ARFGEF1: variants seen among roughly 807,000 people sequenced by gnomAD.
ARFGEF1 encodes the protein brefeldin A-inhibited guanine nucleotide-exchange protein 1.
Under a neutral mutation model 231.0 loss-of-function variants are expected in ARFGEF1, and 42 were observed. The observed-to-expected ratio is 0.18, with a 90% CI of 0.14 to 0.24. The LOEUF is 0.24. ARFGEF1 is among the 10% of genes least tolerant of loss of function. ARFGEF1 has a pLI of 1.00. For synonymous variants in ARFGEF1, 710 were observed against 732.3 expected, an observed-to-expected ratio of 0.97 and a Z score of 0.49; for missense variants, 1,345 against 2,192.0, an observed-to-expected ratio of 0.61 and a Z score of 7.72.
intron 22 of ARFGEF1, among the ~76,000 whole-genome samples, chr8:67,237,209 C>T (rs1213940082): frequency 2.0e-5 from 3 of 152,168 alleles, no homozygotes; most frequent in East Asian, 1.9e-4. Context: ...TAAAGTTGGG[C>T]TTCTAATCAT....
intron 1 of ARFGEF1, among the ~76,000 whole-genome samples, chr8:67,320,118 G>C (rs1254886472): frequency 6.6e-6 from 1 of 151,408 alleles, no homozygotes; most frequent in Non-Finnish European, 1.5e-5. Flanking sequence ...AGCTACTTGG[G>C]AGGCTGAGGC....
At chr8:67,291,075 C>CA (rs1209694640) in intron 6 of ARFGEF1, among the ~76,000 whole-genome samples, 1 of 151,962 alleles carries the variant, frequency 6.6e-6, no homozygotes, top group African/African-American at 2.4e-5. Flanking sequence ...TAGTTCTAGA[C>CA]AACCACACTG....
At chr8:67,200,568 T>C (rs1230270040) in intron 37 of ARFGEF1, 55 bp from the exon 38 acceptor site, 6 of 1,084,578 alleles carry the variant, frequency 5.5e-6, no homozygotes, top group Admixed American at 2.0e-5. Flanking sequence ...GGTCCCCATA[T>C]TCACCGAGAA....
Position 67,251,460 on chromosome 8 carries a change from T to A in ARFGEF1, c.2699-10A>T. 6.3e-7 allele frequency: 1 copy of A among 1,583,674 alleles called. No individual in the cohort carries two copies. Among genetic ancestry groups the A allele is most frequent in the Non-Finnish European group, 8.6e-7 (1 of 1,167,278 alleles). ...TTTTCACTGGCTACATCTGAAACAATAAACACTATCAGCATTTTAAATATA... is the reference window on the plus strand; with the variant it reads ...TTTTCACTGGCTACATCTGAAACAAAAAACACTATCAGCATTTTAAATATA... On this transcript the variant is annotated splice_polypyrimidine_tract_variant and intron_variant, in intron 18 of 38. Coordinates refer to ENST00000262215, the MANE Select transcript of ARFGEF1 (RefSeq NM_006421.5).
At chr8:67,224,558 T>C (rs535244714) in intron 29 of ARFGEF1, among the ~76,000 whole-genome samples, 1 of 152,270 alleles carries the variant, frequency 6.6e-6, no homozygotes, top group South Asian at 2.1e-4. Flanking sequence ...CTTCTATCAT[T>C]CATCAGGAAA....
At chr8:67,192,381 C>G (rs1232341250) in intron 5 of ARFGEF1, among the ~76,000 whole-genome samples, 1 of 152,106 alleles carries the variant, frequency 6.6e-6, no homozygotes. Context: ...AGCCCTTTGT[C>G]CATTTTCAAA....
chr8:67,266,295 C>G (rs997570855), intron 13 of ARFGEF1, 88 bp from the exon 14 acceptor site: 1 of 979,948 alleles, frequency 1.0e-6, no homozygotes, highest in South Asian at 1.5e-5. Flanking sequence ...TAAGGCAAGG[C>G]GTTTCAATGT....
intron 7 of ARFGEF1, among the ~76,000 whole-genome samples, chr8:67,281,383 T>C (rs1216254584): frequency 6.6e-6 from 1 of 151,938 alleles, no homozygotes; most frequent in Admixed American, 6.6e-5. Flanking sequence ...AAAAGTAAAA[T>C]TCATACCCAT....
intron 1 of ARFGEF1, among the ~76,000 whole-genome samples, chr8:67,326,373 C>T (rs1183316170): frequency 6.6e-6 from 1 of 152,198 alleles, no homozygotes; most frequent in Non-Finnish European, 1.5e-5. Context: ...AAGAGTAAAT[C>T]TATACTGGTT....
intron 33 of ARFGEF1, among the ~76,000 whole-genome samples, chr8:67,214,983 G>A (rs1351783316): frequency 6.6e-6 from 1 of 152,190 alleles, no homozygotes; most frequent in Admixed American, 6.5e-5. Flanking sequence ...ATTATTCTCA[G>A]GCCTTAAAAC....
chr8:67,290,000 A>G (rs1805939430), intron 6 of ARFGEF1, among the ~76,000 whole-genome samples: 1 of 152,212 alleles, frequency 6.6e-6, no homozygotes, highest in Admixed American at 6.6e-5. Context: ...ACAATGACTA[A>G]TATTTATTAC....
chr8:67,240,309 G>T lies in ARFGEF1; in HGVS notation c.2851-19C>A, dbSNP rs190313261. On this transcript the variant is annotated intron_variant, in intron 19 of 38. Coordinates refer to ENST00000262215, the MANE Select transcript of ARFGEF1 (RefSeq NM_006421.5). ...AAGCCAACTACAAAAATTAAAAATT[G>T]TATTTTAATTAAAGATTATGATAAC... The T allele has an allele frequency of 3.7e-4, 589 of 1,576,556 alleles. 2 individuals carry two copies. The East Asian group carries it at 0.01, about 27-fold the overall frequency.
chr8:67,313,669 G>A (rs763834423), intron 1 of ARFGEF1, among the ~76,000 whole-genome samples: 4 of 152,138 alleles, frequency 2.6e-5, no homozygotes, highest in East Asian at 1.9e-4. Context: ...TAGAGGTGGC[G>A]GAGGGTGCAA....
chr8:67,180,373 C>A (rs1414415548), intron 5 of ARFGEF1, among the ~76,000 whole-genome samples: 1 of 152,156 alleles, frequency 6.6e-6, no homozygotes, highest in Non-Finnish European at 1.5e-5. Flanking sequence ...ATTTACATAA[C>A]ATTTTTGAAA....
chr8:67,258,005 T>C lies in ARFGEF1; in HGVS notation c.2441+80A>G, dbSNP rs115872773. 1,679 of 1,341,850 alleles carry C rather than the reference T, an allele frequency of 1.3e-3. 24 individuals carry two copies. The African/African-American group carries it at 0.021, about 16-fold the overall frequency. The allele number at this position is 1,341,850 out of a possible 1,614,324, so 83.1% of individuals were successfully genotyped here. A position where few individuals can be genotyped will look rare whatever the true frequency, so the allele number is the denominator to read the frequency against. On this transcript the variant is annotated intron_variant, in intron 16 of 38. Coordinates refer to ENST00000262215, the MANE Select transcript of ARFGEF1 (RefSeq NM_006421.5). ...CTCTAAACAGGGGATTAGGTCCTATTATCTGTAAATCCCTGGATGCTACCT... is the reference window on the plus strand; with the variant it reads ...CTCTAAACAGGGGATTAGGTCCTATCATCTGTAAATCCCTGGATGCTACCT...
chr8:67,258,854 C>CACACA (rs71249428), intron 15 of ARFGEF1, among the ~76,000 whole-genome samples: 1 of 149,790 alleles, frequency 6.7e-6, no homozygotes, highest in African/African-American at 2.5e-5. Flanking sequence ...CACACACACA[C>CACACA]CAGTCATCAC....
Position 67,343,210 on chromosome 8 carries a change from C to T in ARFGEF1, c.78G>A (p.Lys26=), listed in dbSNP as rs199992753. 1.3e-5 allele frequency: 21 copies of T among 1,613,158 alleles called. No homozygotes were observed. The East Asian group carries it at 4.2e-4, about 33-fold the overall frequency. ...TGCGCAGCTGGGAGTGATGCGCCTT[C>T]TTCACTTCCTTGTCGGCCAATATCT... ...LEKILADKEV[K]KAHHSQLRKA... The change falls in exon 1 of 39, where the codon AAG becomes AAA. Residue 26 remains lysine, a synonymous_variant. Transcript: ENST00000262215.
chr8:67,198,269 A>G lies in ARFGEF1; in HGVS notation c.*665T>C, dbSNP rs1366046458. 11 of 985,702 alleles carry G rather than the reference A, an allele frequency of 1.1e-5. No individual in the cohort carries two copies. Among genetic ancestry groups the G allele is most frequent in the Non-Finnish European group, 1.3e-5 (11 of 829,878 alleles). The allele number at this position is 985,702 out of a possible 1,614,324, so 61.1% of individuals were successfully genotyped here. On this transcript the variant is annotated 3_prime_UTR_variant, in exon 39 of 39. Transcript: ENST00000262215. ...AAAATCCCTATAAAATAAAAAAGAA[A>G]GTTCCACCCAAATGTTTAGTGCATT...
chr8:67,264,489 T>C (rs1020042710), intron 14 of ARFGEF1, among the ~76,000 whole-genome samples: 4 of 152,098 alleles, frequency 2.6e-5, no homozygotes, highest in African/African-American at 7.2e-5. Flanking sequence ...TATTTGTCTT[T>C]TGTTTTGGGT....
Sources: allele counts gnomAD v4.1 joint callset (sites outside exome capture counted in the v4.1 genomes callset), GRCh38; gene constraint gnomAD v4.1.1; transcripts MANE v1.5; gene names NCBI Gene and HGNC (gene_info 2026-07-23, HGNC 2026-07-21).